The following XIRP2 variants were observed in gnomAD, a reference collection of about 807,000 sequenced individuals.
The protein encoded by XIRP2 is xin actin binding repeat containing 2.
In XIRP2, 236 loss-of-function variants were observed where a neutral mutation model predicts 277.0. The ratio of observed to expected loss-of-function variants is 0.85; its 90% CI spans 0.77 to 0.95. The LOEUF (loss-of-function observed/expected upper bound fraction) is 0.95, where lower values mean the gene tolerates loss of function less well. Ranked by LOEUF, XIRP2 falls within the 40% of genes least tolerant of loss-of-function variation. The pLI, the probability that XIRP2 is intolerant of heterozygous loss-of-function variation, is 0.00. For synonymous variants in XIRP2, 1,490 were observed against 1,416.5 expected (o/e 1.05, Z -1.17); for missense variants, 4,640 against 4,157.5 (o/e 1.12, Z -3.19).
chr2:167,256,324 T>C (rs1390602451), intron 10 of XIRP2, among the ~76,000 whole-genome samples: 1 of 151,748 alleles, frequency 6.6e-6, no homozygotes, highest in East Asian at 1.9e-4. Context: ...TTTCTGATTA[T>C]TGAAAAAGTT....
chr2:167,047,604 C>T (rs938591691), intron 2 of XIRP2, among the ~76,000 whole-genome samples: 2 of 151,826 alleles, frequency 1.3e-5, no homozygotes, highest in Non-Finnish European at 2.9e-5. Context: ...AGTAACGAAA[C>T]TTTTTTTAAA....
chr2:167,259,121 A>G lies in XIRP2; in HGVS notation c.*1304A>G, dbSNP rs1238884088. The G allele has an allele frequency of 2.5e-6, 4 of 1,612,166 alleles. No homozygotes were observed. Among genetic ancestry groups the G allele is most frequent in the Non-Finnish European group, 3.4e-6 (4 of 1,178,778 alleles). ...TGAGAACATTTTCAATTGTGATTTA[A>G]TAGATTCTGTAGATCAAATTAAAAA... On this transcript the variant is annotated 3_prime_UTR_variant, in exon 11 of 11. Transcript: ENST00000409195.
chr2:166,902,532 A>AACAGG (rs1352429023), intron 1 of XIRP2, among the ~76,000 whole-genome samples: 2 of 152,062 alleles, frequency 1.3e-5, no homozygotes, highest in East Asian at 3.9e-4. Context: ...TTTGGGTTAG[A>AACAGG]ACAGGAAGTA....
chr2:167,083,445 AT>A (rs1689810102), intron 2 of XIRP2, among the ~76,000 whole-genome samples: 1 of 152,156 alleles, frequency 6.6e-6, no homozygotes, highest in South Asian at 2.1e-4. Context: ...TCGGTTCCAT[AT>A]GAACATTATA....
At chr2:167,052,419 G>T (rs181207661) in intron 2 of XIRP2, among the ~76,000 whole-genome samples, 130 of 152,088 alleles carry the variant, frequency 8.5e-4, no homozygotes, top group African/African-American at 2.9e-3. Context: ...AGTAGACATG[G>T]TGGGTGCAAA....
chr2:167,253,244 G>A (rs888992335), intron 9 of XIRP2, among the ~76,000 whole-genome samples: 1 of 151,868 alleles, frequency 6.6e-6, no homozygotes. Context: ...ACAAACACTG[G>A]TTAGTAATAG....
At chr2:167,013,000 C>T (rs949633072) in intron 2 of XIRP2, among the ~76,000 whole-genome samples, 1 of 151,176 alleles carries the variant, frequency 6.6e-6, no homozygotes, top group South Asian at 2.1e-4. Context: ...GTAAAATTGA[C>T]ATTAGGACAT....
At position 167,135,929 on chromosome 2, in the gene XIRP2, T is replaced by C. The variant is rs1442109157; in HGVS notation, c.429T>C (p.Ser143=). The C allele has an allele frequency of 6.2e-7, 1 of 1,602,142 alleles. No homozygotes were observed. Among genetic ancestry groups the C allele is most frequent in the Admixed American group, 1.7e-5 (1 of 57,674 alleles). The part of the protein sequence containing the change: ...YGGKEVEIER[S]LCSPAFKSHP... The stretch of plus-strand genomic sequence containing the variant: ...AACAGGAAGTGGAAATTGAGCGAAG[T>C]TTGTGCTCGCCAGCTTTTAAGAGTC... The change falls in exon 3 of 11, where the codon AGT becomes AGC. Residue 143 remains serine (S), a synonymous_variant. Coordinates refer to ENST00000409195, the MANE Select transcript of XIRP2 (RefSeq NM_152381.6).
At chr2:166,891,195 G>A (rs895983498) in intron 1 of XIRP2, among the ~76,000 whole-genome samples, 6 of 152,096 alleles carry the variant, frequency 3.9e-5, no homozygotes, top group African/African-American at 4.8e-5. Flanking sequence ...AAGACATGGC[G>A]GTAAGATAAG....
At chr2:167,203,180 G>A (rs1337299841) in intron 3 of XIRP2, among the ~76,000 whole-genome samples, 1 of 152,048 alleles carries the variant, frequency 6.6e-6, no homozygotes, top group Non-Finnish European at 1.5e-5. Flanking sequence ...ATAGGTCCTG[G>A]GGATTAGGAT....
chr2:166,935,954 T>C (rs2105374265), intron 2 of XIRP2, among the ~76,000 whole-genome samples: 1 of 152,308 alleles, frequency 6.6e-6, no homozygotes. Context: ...GGTCAACTGA[T>C]ATTTCTAGTT....
At chr2:167,128,138 C>T (rs1691263634) in intron 2 of XIRP2, among the ~76,000 whole-genome samples, 1 of 152,232 alleles carries the variant, frequency 6.6e-6, no homozygotes, top group African/African-American at 2.4e-5. Context: ...CTTGCACTCC[C>T]TCACTACTTT....
intron 2 of XIRP2, among the ~76,000 whole-genome samples, chr2:167,051,681 T>C (rs1688918730): frequency 6.6e-6 from 1 of 152,122 alleles, no homozygotes; most frequent in East Asian, 1.9e-4. Flanking sequence ...TGTCATATTA[T>C]GATCTATATT....
chr2:167,144,578 A>G (rs1317048961), intron 3 of XIRP2, among the ~76,000 whole-genome samples: 2 of 152,084 alleles, frequency 1.3e-5, no homozygotes, highest in Non-Finnish European at 2.9e-5. Context: ...AACATTCTAG[A>G]TAGTTTCTGA....
chr2:167,114,807 G>A (rs1690852436), intron 2 of XIRP2, among the ~76,000 whole-genome samples: 1 of 152,100 alleles, frequency 6.6e-6, no homozygotes, highest in Non-Finnish European at 1.5e-5. Flanking sequence ...AATATTCCAT[G>A]GTGTATATGT....
At chr2:167,011,434 G>A (rs2105470917) in intron 2 of XIRP2, among the ~76,000 whole-genome samples, 1 of 150,716 alleles carries the variant, frequency 6.6e-6, no homozygotes, top group Non-Finnish European at 1.5e-5. Flanking sequence ...ACTTGATCAT[G>A]GTGGATAAGG....
chr2:166,939,541 G>T (rs553970753), intron 2 of XIRP2, among the ~76,000 whole-genome samples: 1 of 151,398 alleles, frequency 6.6e-6, no homozygotes, highest in Non-Finnish European at 1.5e-5. Context: ...TTAGCTGGGC[G>T]TGGTGGTGGC....
In XIRP2 at chr2:167,244,026, A is replaced by G. The variant is rs988847439; in HGVS notation, c.2634A>G (p.Leu878=). Residue 878 remains leucine, a synonymous_variant, in exon 9 of 11, where the codon CTA becomes CTG. Transcript: ENST00000409195. The part of the protein sequence containing the change: ...IGGDVQTTKH[L]FETLPIEALK... The stretch of plus-strand genomic sequence containing the variant: ...GTGATGTACAAACTACTAAGCATCT[A>G]TTTGAAACACTTCCAATTGAAGCAT... 1 of 1,614,022 alleles carries G rather than the reference A, an allele frequency of 6.2e-7. No individual in the cohort carries two copies. The highest frequency in any genetic ancestry group is 8.5e-7 in the Non-Finnish European group (1 of 1,179,944).
Position 167,246,799 on chromosome 2 carries a change from G to A in XIRP2, c.5407G>A (p.Val1803Ile), listed in dbSNP as rs1313718510. 2 of 1,613,850 alleles carry A rather than the reference G, an allele frequency of 1.2e-6. No individual in the cohort carries two copies. Among genetic ancestry groups the A allele is most frequent in the African/African-American group, 1.3e-5 (1 of 75,016 alleles). The change falls in exon 9 of 11, where the codon GTT (valine) becomes ATT (isoleucine). Residue 1803 changes from valine to isoleucine, a missense_variant. Physicochemically the swap from Val to Ile is conservative, Grantham distance 29. Coordinates refer to ENST00000409195, the MANE Select transcript of XIRP2 (RefSeq NM_152381.6). The part of the protein sequence containing the change: ...KKRQSLVERT[V>I]SETDIIPGDV... ...AAGGCAGTCTCTGGTTGAACGTACT[G>A]TTAGTGAAACTGACATCATCCCTGG... is the stretch of plus-strand genomic sequence containing the variant.
Sources: gnomAD v4.1 joint callset for allele counts (sites outside exome capture counted in the v4.1 genomes callset) on GRCh38, gnomAD v4.1.1 for gene constraint, MANE v1.5 for transcripts, NCBI Gene and HGNC (gene_info 2026-07-23, HGNC 2026-07-21) for gene names.